PTPA: variants seen among roughly 807,000 people sequenced by gnomAD.
The protein encoded by PTPA is protein phosphatase 2 phosphatase activator, also known as serine/threonine-protein phosphatase 2A activator.
PTPA carries 13 observed loss-of-function variants against 43.6 expected under a neutral mutation model. That is an observed-to-expected ratio of 0.30 (90% CI 0.19 to 0.47). The LOEUF is 0.47. Ranked by LOEUF, PTPA falls within the 20% of genes least tolerant of loss-of-function variation. The pLI, the probability that PTPA is intolerant of heterozygous loss-of-function variation, is 0.99. For missense variants in PTPA, 329 were observed against 411.9 expected, an observed-to-expected ratio of 0.80 and a Z score of 1.74; for synonymous variants, 172 against 158.2, an observed-to-expected ratio of 1.09 and a Z score of -0.66.
At chr9:129,119,445 G>T (rs10988211) in intron 1 of PTPA, 1 of 144,452 alleles carries the variant, frequency 6.9e-6, no homozygotes, top group East Asian at 2.0e-4. Context: ...TCGCTCTGTT[G>T]CCTGGGTTGG....
intron 3 of PTPA, chr9:129,128,039 C>A: frequency 7.4e-7 from 1 of 1,343,796 alleles, no homozygotes; most frequent in Non-Finnish European, 9.9e-7. Context: ...CATACCATTA[C>A]CCCGCGCCGG....
rs755819278 is a variant in PTPA at position 129,120,591 on chromosome 9, G to A, written c.110G>A (p.Gly37Asp). 8 of 1,613,172 alleles carry A rather than the reference G, an allele frequency of 5.0e-6. No homozygotes were observed. Among genetic ancestry groups the A allele is most frequent in the Non-Finnish European group, 5.9e-6 (7 of 1,179,212 alleles). Residue 37 changes from glycine (G) to aspartate (D), a missense_variant, in exon 2 of 10, where the codon GGC (glycine) becomes GAC (aspartate). By Grantham distance (94) the Gly-to-Asp change is moderately conservative. Transcript: ENST00000393370. ...GAGATCCACACAGTTCCAGACATGGGCAAATGGAAGCGTTCTCAGGTACCA... is the reference window on the plus strand; with the variant it reads ...GAGATCCACACAGTTCCAGACATGGACAAATGGAAGCGTTCTCAGGTACCA... ...KKEIHTVPDM[G>D]KWKRSQAYAD...
chr9:129,111,661 G>C (rs1848496500), intron 1 of PTPA, 30 bp downstream of exon 1: 6 of 1,278,060 alleles, frequency 4.7e-6, no homozygotes, highest in Non-Finnish European at 6.0e-6. Flanking sequence ...GCCGGGCCGG[G>C]GTCGGGTAGG....
Position 129,112,734 on chromosome 9 carries a change from G to C in PTPA, c.31+1103G>C, listed in dbSNP as rs1031799205. 1.1e-4 allele frequency among the ~76,000 whole-genome samples: 17 copies of C among 152,190 alleles called. No homozygotes were observed. The South Asian group carries it at 3.5e-3, about 32-fold the overall frequency. ...AGGCGGGCTGATCACCTGAGGTCGG[G>C]AGTTCGAGACCAGCCTGACCAACAT... On this transcript the variant is annotated intron_variant, in intron 1 of 9. Coordinates refer to ENST00000393370, the MANE Select transcript of PTPA (RefSeq NM_178000.3).
intron 1 of PTPA, among the ~76,000 whole-genome samples, chr9:129,113,117 A>G (rs1025374771): frequency 2.0e-5 from 3 of 150,816 alleles, no homozygotes; most frequent in African/African-American, 4.9e-5. Context: ...TTTTTGAGAC[A>G]GTGTCTCACT....
chr9:129,134,905 G>A lies in PTPA; in HGVS notation c.560+11G>A, dbSNP rs755068158. The A allele has an allele frequency of 1.9e-6, 3 of 1,607,508 alleles. No individual in the cohort carries two copies. The South Asian group carries it at 3.3e-5, about 18-fold the overall frequency. On this transcript the variant is annotated intron_variant, in intron 6 of 9. Transcript: ENST00000393370. Reference sequence around the variant, plus strand: ...CAAGGTGTTCAATCGGTGAGAGAAAGGACAGGAGGGTTGGAGGAGGGGGCG... The same window carrying A: ...CAAGGTGTTCAATCGGTGAGAGAAAAGACAGGAGGGTTGGAGGAGGGGGCG...
chr9:129,132,942 C>T (rs1850080061), intron 5 of PTPA, among the ~76,000 whole-genome samples: 1 of 152,166 alleles, frequency 6.6e-6, no homozygotes, highest in Non-Finnish European at 1.5e-5. Context: ...GACCCCATCT[C>T]TCAAAAATAT....
intron 8 of PTPA, 121 bp from the exon 9 acceptor site, chr9:129,142,324 G>A (rs562070621): frequency 3.5e-6 from 3 of 854,280 alleles, no homozygotes; most frequent in Non-Finnish European, 5.3e-6. Flanking sequence ...CGCGTGCATT[G>A]TGTGCGTGTG....
intron 1 of PTPA, among the ~76,000 whole-genome samples, chr9:129,116,384 CTT>C (rs142067473): frequency 9.3e-6 from 1 of 107,690 alleles, no homozygotes. Context: ...GACAGGGTTT[CTT>C]TTTTTTTTTT....
chr9:129,122,188 C>T (rs896398534), intron 2 of PTPA, among the ~76,000 whole-genome samples: 1 of 152,048 alleles, frequency 6.6e-6, no homozygotes, highest in African/African-American at 2.4e-5. Flanking sequence ...CTGCAGCCTC[C>T]ACCTCTTGGG....
chr9:129,137,489 A>G (rs1328477203), intron 7 of PTPA, 103 bp from the exon 8 acceptor site: 4 of 824,166 alleles, frequency 4.9e-6, no homozygotes, highest in African/African-American at 1.7e-5. Context: ...TGAGGGCACC[A>G]CGGGCAGGAC....
At chr9:129,134,671 A>G in intron 5 of PTPA, 124 bp from the exon 6 acceptor site, 1 of 696,426 alleles carries the variant, frequency 1.4e-6, no homozygotes, top group Non-Finnish European at 2.4e-6. Context: ...AAGAGGTCTC[A>G]TTGTCTCCAT....
chr9:129,143,007 C>T (rs377163507), intron 9 of PTPA: 8 of 1,190,146 alleles, frequency 6.7e-6, no homozygotes, highest in Non-Finnish European at 9.1e-6. Flanking sequence ...GGTGGGAGGT[C>T]TGAGGGTAGG....
chr9:129,129,241 T>G, intron 4 of PTPA, 131 bp downstream of exon 4: 2 of 1,304,270 alleles, frequency 1.5e-6, no homozygotes, highest in Non-Finnish European at 2.1e-6. Context: ...AATGTCAATT[T>G]CACTTAGCAA....
intron 1 of PTPA, among the ~76,000 whole-genome samples, chr9:129,114,388 C>G (rs533950506): frequency 6.6e-6 from 1 of 152,322 alleles, no homozygotes; most frequent in African/African-American, 2.4e-5. Context: ...CTCTGCCTGG[C>G]AAGTCACAGC....
chr9:129,146,665 G>T (rs935289587), intron 9 of PTPA, among the ~76,000 whole-genome samples: 12 of 152,212 alleles, frequency 7.9e-5, no homozygotes, highest in Non-Finnish European at 1.5e-4. Flanking sequence ...GGGTGCTGTT[G>T]CGGGAGCTGC....
rs1322836480 is a variant in PTPA at position 129,131,535 on chromosome 9, TG to T, written c.358del (p.Val120TrpfsTer20). 6.2e-7 allele frequency: 1 copy of T among 1,613,724 alleles called. No homozygotes were observed. The highest frequency in any genetic ancestry group is 1.3e-5 in the African/African-American group (1 of 75,046). On this transcript the variant is annotated frameshift_variant, in exon 5 of 10. Coordinates refer to ENST00000393370, the MANE Select transcript of PTPA (RefSeq NM_178000.3). LOFTEE classifies it high-confidence loss of function. ...TTGTGTTACCAGGAAGCAGAAAACTTGGTGGCCACAGTGGTCCCTACCCATC... is the reference window on the plus strand; with the variant it reads ...TTGTGTTACCAGGAAGCAGAAAACTTGTGGCCACAGTGGTCCCTACCCATC... The part of the protein sequence containing the change: ...YAKLDEEAEN[L>X]VATVVPTHLA...
chr9:129,115,010 T>C (rs1284763766), intron 1 of PTPA, among the ~76,000 whole-genome samples: 1 of 152,180 alleles, frequency 6.6e-6, no homozygotes, highest in Non-Finnish European at 1.5e-5. Context: ...TTTTTATTTT[T>C]ATTTTTTGAG....
At chr9:129,130,324 G>T (rs1272468559) in intron 4 of PTPA, among the ~76,000 whole-genome samples, 2 of 152,030 alleles carry the variant, frequency 1.3e-5, no homozygotes, top group African/African-American at 4.8e-5. Context: ...TTCACATAGA[G>T]CAGAGGGGAG....
Sources: allele counts gnomAD v4.1 joint callset (sites outside exome capture counted in the v4.1 genomes callset), GRCh38; gene constraint gnomAD v4.1.1; transcripts MANE v1.5; gene names NCBI Gene and HGNC (gene_info 2026-07-23, HGNC 2026-07-21).